Variants in INPP5A observed in about 807,000 individuals in gnomAD.
The protein encoded by INPP5A is 43 kDa inositol polyphosphate 5-phophatase.
Under a neutral mutation model 65.2 loss-of-function variants are expected in INPP5A, and 14 were observed. The ratio of observed to expected loss-of-function variants is 0.21; its 90% CI spans 0.14 to 0.34. INPP5A has a LOEUF of 0.34. INPP5A is among the 10% of genes least tolerant of loss of function. The pLI is 1.00. For missense variants in INPP5A, 431 were observed against 545.6 expected, an observed-to-expected ratio of 0.79 and a Z score of 2.09; for synonymous variants, 207 against 208.3, an observed-to-expected ratio of 0.99 and a Z score of 0.05.
chr10:132,634,812 C>T (rs1309652344), intron 2 of INPP5A, among the ~76,000 whole-genome samples: 1 of 152,258 alleles, frequency 6.6e-6, no homozygotes, highest in African/African-American at 2.4e-5. Context: ...CTCCCAGGCT[C>T]TCGGCCGGCA....
intron 4 of INPP5A, among the ~76,000 whole-genome samples, chr10:132,687,621 C>T (rs986961986): frequency 6.6e-6 from 1 of 152,258 alleles, no homozygotes; most frequent in Non-Finnish European, 1.5e-5. Context: ...TCCCTGTCAT[C>T]TAGCCTGGGG....
At chr10:132,615,615 C>G (rs1036429998) in intron 2 of INPP5A, among the ~76,000 whole-genome samples, 1 of 152,246 alleles carries the variant, frequency 6.6e-6, no homozygotes, top group African/African-American at 2.4e-5. Flanking sequence ...GGCTGCATTT[C>G]TGCCCCTGGT....
Position 132,644,508 on chromosome 10 carries a change from C to T in INPP5A, c.118-1360C>T, listed in dbSNP as rs763807297. Among the ~76,000 whole-genome samples, 2 of 152,246 alleles carry T rather than the reference C, an allele frequency of 1.3e-5. No homozygotes were observed. On this transcript the variant is annotated intron_variant, in intron 2 of 15. Transcript: ENST00000368594. The surrounding 1 kb of genome is among the most constrained non-coding windows in gnomAD (Gnocchi z 6.5). ...CCACTTGCTCAGCTGCGCCCTGGAC[C>T]GTGGCCGCTGGGCTCCTGGGAGGTG...
intron 5 of INPP5A, among the ~76,000 whole-genome samples, chr10:132,694,883 A>G (rs1189008601): frequency 6.6e-6 from 1 of 152,248 alleles, no homozygotes; most frequent in Non-Finnish European, 1.5e-5. Flanking sequence ...AACAACACTG[A>G]ATAAGTAATT....
At chr10:132,563,801 G>A (rs2071237418) in intron 1 of INPP5A, among the ~76,000 whole-genome samples, 1 of 152,218 alleles carries the variant, frequency 6.6e-6, no homozygotes, top group Non-Finnish European at 1.5e-5. Context: ...AGCCCCGGGG[G>A]ATTTATAACT....
At chr10:132,776,770 A>G (rs1847070686) in intron 12 of INPP5A, among the ~76,000 whole-genome samples, 1 of 151,872 alleles carries the variant, frequency 6.6e-6, no homozygotes, top group South Asian at 2.1e-4. Flanking sequence ...CCCCCTGAGA[A>G]CCTGCAGGCC....
chr10:132,707,246 C>G lies in INPP5A; in HGVS notation c.475-1067C>G, dbSNP rs1845550472. On this transcript the variant is annotated intron_variant, in intron 6 of 15. Coordinates refer to ENST00000368594, the MANE Select transcript of INPP5A (RefSeq NM_005539.5). This position sits in a 1 kb window ranked among gnomAD's most constrained non-coding sequence, Gnocchi z 5.5. ...CCCATGAGCACCAAGAACAGCAGCC[C>G]CTGTCCACCTCCGCCCCCGATGGCG... 6.6e-6 allele frequency among the ~76,000 whole-genome samples: 1 copy of G among 152,218 alleles called. No homozygotes were observed.
intron 12 of INPP5A, among the ~76,000 whole-genome samples, chr10:132,776,497 A>G (rs1847065436): frequency 6.6e-6 from 1 of 152,196 alleles, no homozygotes; most frequent in Non-Finnish European, 1.5e-5. Context: ...GCCAACAGGG[A>G]AATTTCACAG....
chr10:132,733,225 C>T (rs911926471), intron 9 of INPP5A, among the ~76,000 whole-genome samples: 13 of 152,202 alleles, frequency 8.5e-5, no homozygotes, highest in African/African-American at 2.4e-4. Flanking sequence ...GTTACACCTG[C>T]AAGGCCCCAT....
intron 2 of INPP5A, among the ~76,000 whole-genome samples, chr10:132,618,536 A>T (rs1262865779): frequency 6.6e-6 from 1 of 152,250 alleles, no homozygotes; most frequent in Non-Finnish European, 1.5e-5. Flanking sequence ...AATTTTAAGA[A>T]TGATGTGATA....
intron 11 of INPP5A, among the ~76,000 whole-genome samples, chr10:132,758,107 G>A (rs1270887559): frequency 6.0e-5 from 8 of 134,218 alleles, no homozygotes; most frequent in African/African-American, 1.7e-4. Context: ...GCACCATGGC[G>A]TGGGTCCCCG....
At chr10:132,598,181 G>A (rs1169715995) in intron 1 of INPP5A, among the ~76,000 whole-genome samples, 1 of 152,230 alleles carries the variant, frequency 6.6e-6, no homozygotes, top group Non-Finnish European at 1.5e-5. Flanking sequence ...GACTCAGTGT[G>A]TGGCTCGGCT....
intron 8 of INPP5A, among the ~76,000 whole-genome samples, chr10:132,724,606 G>A (rs1270612912): frequency 6.6e-6 from 1 of 151,964 alleles, no homozygotes; most frequent in East Asian, 1.9e-4. Context: ...AGGCCAGCAG[G>A]AGCACACACC....
At chr10:132,591,710 TC>T (rs1308029009) in intron 1 of INPP5A, among the ~76,000 whole-genome samples, 1 of 152,224 alleles carries the variant, frequency 6.6e-6, no homozygotes, top group East Asian at 1.9e-4. Context: ...CTGTTGTCTG[TC>T]CTTTTTCTGC....
At chr10:132,728,511 C>G (rs556368569) in intron 9 of INPP5A, among the ~76,000 whole-genome samples, 1 of 152,366 alleles carries the variant, frequency 6.6e-6, no homozygotes, top group Non-Finnish European at 1.5e-5. Flanking sequence ...CCCGCCAAGC[C>G]ACAGGGGGCT....
At chr10:132,736,370 G>A (rs1846176670) in intron 9 of INPP5A, among the ~76,000 whole-genome samples, 1 of 152,270 alleles carries the variant, frequency 6.6e-6, no homozygotes, top group Non-Finnish European at 1.5e-5. Context: ...GGTGATGGAT[G>A]CGTCTTTGGA....
At chr10:132,775,305 G>A (rs910858910) in intron 12 of INPP5A, among the ~76,000 whole-genome samples, 22 of 151,920 alleles carry the variant, frequency 1.4e-4, no homozygotes, top group Non-Finnish European at 2.5e-4. Flanking sequence ...CGCTGTAGGC[G>A]CAGGTGCGCC....
chr10:132,700,243 G>A (rs1845415404), intron 6 of INPP5A, among the ~76,000 whole-genome samples: 2 of 152,230 alleles, frequency 1.3e-5, no homozygotes, highest in Non-Finnish European at 1.5e-5. Context: ...GTGTGGACCC[G>A]TCTCTCCCCT....
intron 8 of INPP5A, among the ~76,000 whole-genome samples, chr10:132,725,001 C>G (rs1590959585): frequency 6.7e-6 from 1 of 149,384 alleles, no homozygotes; most frequent in African/African-American, 2.5e-5. Flanking sequence ...ACGGGGGTCA[C>G]TCTCCAGAAC....
Sources: gnomAD v4.1 joint callset for allele counts (sites outside exome capture counted in the v4.1 genomes callset) on GRCh38, gnomAD v4.1.1 for gene constraint, Gnocchi (gnomAD v3.1) non-coding constraint, MANE v1.5 for transcripts, NCBI Gene and HGNC (gene_info 2026-07-23, HGNC 2026-07-21) for gene names.